Variants in TANC2 observed in about 807,000 individuals in gnomAD.
TANC2 encodes tetratricopeptide repeat, ankyrin repeat and coiled-coil containing 2.
A neutral mutation model predicts 210.5 loss-of-function variants in TANC2; 26 were observed. That is an observed-to-expected ratio of 0.12 (90% confidence interval 0.09 to 0.17). The LOEUF is 0.17. TANC2 is among the 10% of genes least tolerant of loss of function. TANC2 has a pLI of 1.00. For synonymous variants in TANC2, 931 were observed against 967.1 expected (o/e 0.96, Z 0.69); for missense variants, 2,129 against 2,608.9 (o/e 0.82, Z 4.01).
At chr17:63,208,037 C>A (rs1173165018) in intron 7 of TANC2, among the ~76,000 whole-genome samples, 3 of 152,106 alleles carry the variant, frequency 2.0e-5, no homozygotes, top group Non-Finnish European at 2.9e-5. Flanking sequence ...TTGTGAAATA[C>A]CTGTTCAAGT....
At chr17:63,044,197 T>G (rs1252283989) in intron 2 of TANC2, among the ~76,000 whole-genome samples, 1 of 152,180 alleles carries the variant, frequency 6.6e-6, no homozygotes, top group Non-Finnish European at 1.5e-5. Flanking sequence ...CTAACACAGA[T>G]GCACACAGAT....
chr17:63,324,197 A>C (rs948052476), intron 11 of TANC2, among the ~76,000 whole-genome samples: 1 of 152,244 alleles, frequency 6.6e-6, no homozygotes, highest in African/African-American at 2.4e-5. Flanking sequence ...AGAAGCTAAC[A>C]TATCTGAAAT....
chr17:63,224,250 ATTT>A (rs768863390), intron 7 of TANC2, among the ~76,000 whole-genome samples: 3 of 130,288 alleles, frequency 2.3e-5, no homozygotes, highest in Non-Finnish European at 1.6e-5. Flanking sequence ...AGACTTGCTG[ATTT>A]TTTTTTTTTT....
chr17:63,055,517 G>A (rs1209583318), intron 2 of TANC2, among the ~76,000 whole-genome samples: 2 of 151,930 alleles, frequency 1.3e-5, no homozygotes, highest in Non-Finnish European at 2.9e-5. Flanking sequence ...GTTGTCCTTT[G>A]TAAAGTTTAT....
chr17:63,055,988 AAAATATATATATATATATATAT>A (rs1266078710), intron 2 of TANC2, among the ~76,000 whole-genome samples: 2 of 8,982 alleles, frequency 2.2e-4, no homozygotes, highest in South Asian at 0.013. Flanking sequence ...AAAAAAAAAA[AAAATATATATATATATATATAT>A]ATATATATAT....
rs918520444 is a variant in TANC2 at position 63,187,271 on chromosome 17, A to C, written c.434-6720A>C. Among the ~76,000 whole-genome samples, 12 of 152,350 alleles carry C rather than the reference A, an allele frequency of 7.9e-5. 1 individual carries two copies. The Middle Eastern group carries it at 0.02, about 259-fold the overall frequency. On this transcript the variant is annotated intron_variant, in intron 5 of 27. Transcript: ENST00000689528. ...TGCCTGGCTCAGCCACTTACTAGCC[A>C]TATGAATTTGGTAAGTTACTTATTC...
intron 9 of TANC2, among the ~76,000 whole-genome samples, chr17:63,285,076 A>G (rs1309820094): frequency 2.0e-5 from 3 of 152,114 alleles, no homozygotes; most frequent in Non-Finnish European, 4.4e-5. Context: ...AGCATATATT[A>G]GTTATCTTTG....
Position 63,412,232 on chromosome 17 carries a change from C to T in TANC2, c.3898+102C>T, listed in dbSNP as rs2048726374. The T allele has an allele frequency of 2.0e-6, 3 of 1,499,872 alleles. No individual in the cohort carries two copies. The highest frequency in any genetic ancestry group is 2.3e-5 in the East Asian group (1 of 43,224). 92.9% of individuals were successfully genotyped at this position (1,499,872 alleles called of 1,614,324 possible). On this transcript the variant is annotated intron_variant, in intron 23 of 27. Transcript: ENST00000689528. This position sits in a 1 kb window ranked among gnomAD's most constrained non-coding sequence, Gnocchi z 4.2. ...TTTGGTGTGAGTGTATATAGTTCCC[C>T]CTCCTCCCTGGCCCAATTATTGTCC...
intron 9 of TANC2, among the ~76,000 whole-genome samples, chr17:63,287,986 G>A (rs1309793061): frequency 2.0e-5 from 3 of 152,120 alleles, no homozygotes; most frequent in African/African-American, 7.2e-5. Context: ...CGAATGTCCT[G>A]TAAATTTTTC....
intron 3 of TANC2, among the ~76,000 whole-genome samples, chr17:63,094,756 T>C (rs938191011): frequency 5.9e-5 from 9 of 152,174 alleles, no homozygotes; most frequent in Admixed American, 2.0e-4. Flanking sequence ...CCATACACTT[T>C]AGATTCTGCT....
At chr17:63,141,893 A>G (rs1460616040) in intron 4 of TANC2, among the ~76,000 whole-genome samples, 1 of 152,212 alleles carries the variant, frequency 6.6e-6, no homozygotes, top group Non-Finnish European at 1.5e-5. Context: ...ACTACCGTCT[A>G]TAGATGTAAT....
At position 63,276,300 on chromosome 17, in the gene TANC2, A is replaced by G. The variant is rs550321988; in HGVS notation, c.1159+8427A>G. 7.9e-5 allele frequency among the ~76,000 whole-genome samples: 12 copies of G among 152,232 alleles called. No homozygotes were observed. The South Asian group carries it at 2.1e-3, about 26-fold the overall frequency. On this transcript the variant is annotated intron_variant, in intron 9 of 27. Coordinates refer to ENST00000689528, the Ensembl canonical transcript of TANC2. ...TTATATTCCCAAAAATAAATGTTGT[A>G]TATCACCTTAAAAGCCAACACTCTA...
intron 8 of TANC2, among the ~76,000 whole-genome samples, chr17:63,250,336 C>T (rs566699288): frequency 6.6e-6 from 1 of 152,120 alleles, no homozygotes; most frequent in South Asian, 2.1e-4. Flanking sequence ...CAGGGTCTCA[C>T]AGTGTTGCCC....
intron 2 of TANC2, among the ~76,000 whole-genome samples, chr17:63,042,355 A>G (rs1185521167): frequency 2.6e-5 from 4 of 152,160 alleles, no homozygotes; most frequent in African/African-American, 7.2e-5. Context: ...ATAAAAGTCA[A>G]CTATATTTTG....
intron 14 of TANC2, among the ~76,000 whole-genome samples, chr17:63,369,553 C>CTT (rs36014004): frequency 6.4e-4 from 84 of 131,192 alleles, no homozygotes; most frequent in African/African-American, 9.2e-4. Flanking sequence ...ATAATTTCAG[C>CTT]TTTTTTTTTT....
intron 2 of TANC2, among the ~76,000 whole-genome samples, chr17:63,068,044 A>G (rs1323176347): frequency 6.6e-6 from 1 of 152,200 alleles, no homozygotes; most frequent in East Asian, 1.9e-4. Context: ...CTAAAGATGA[A>G]GAAAAAGTCT....
At chr17:63,327,593 T>C (rs1249130809) in intron 11 of TANC2, among the ~76,000 whole-genome samples, 1 of 152,160 alleles carries the variant, frequency 6.6e-6, no homozygotes, top group Non-Finnish European at 1.5e-5. Flanking sequence ...CAAAGAAATA[T>C]AAATTGTTCT....
chr17:63,291,014 TA>T (rs147777403), intron 9 of TANC2, among the ~76,000 whole-genome samples: 40 of 148,656 alleles, frequency 2.7e-4, no homozygotes, highest in East Asian at 1.8e-3. Context: ...AAGTGAGTCT[TA>T]AAAAAAAAAA....
chr17:63,130,711 C>T (rs1224416466), intron 4 of TANC2, among the ~76,000 whole-genome samples: 2 of 152,000 alleles, frequency 1.3e-5, no homozygotes, highest in African/African-American at 4.8e-5. Flanking sequence ...GTGGTTATTA[C>T]TACTACACAA....
Sources: gnomAD v4.1 joint callset for allele counts (sites outside exome capture counted in the v4.1 genomes callset) on GRCh38, gnomAD v4.1.1 for gene constraint, Gnocchi (gnomAD v3.1) non-coding constraint, MANE v1.5 for transcripts, NCBI Gene and HGNC (gene_info 2026-07-23, HGNC 2026-07-21) for gene names.